ADGRB3: variants seen among roughly 807,000 people sequenced by gnomAD.
The protein encoded by ADGRB3 is adhesion G protein-coupled receptor B3, also known as brain-specific angiogenesis inhibitor 3.
In ADGRB3, 37 loss-of-function variants were observed where a neutral mutation model predicts 193.4. The ratio of observed to expected loss-of-function variants is 0.19; its 90% CI spans 0.15 to 0.25. The LOEUF (loss-of-function observed/expected upper bound fraction) is 0.25. ADGRB3 is among the 10% of genes least tolerant of loss of function. ADGRB3 has a pLI of 1.00. For missense variants in ADGRB3, 1,637 were observed against 1,852.9 expected (o/e 0.88, Z 2.14); for synonymous variants, 690 against 644.2 (o/e 1.07, Z -1.08).
chr6:69,338,993 C>T lies in ADGRB3; in HGVS notation c.3266C>T (p.Ala1089Val), dbSNP rs1255578405. Reference protein sequence around the residue: ...CGVVSTTALSATTASNAMASL... With the variant: ...CGVVSTTALSVTTASNAMASL... ...GTAGTTTCAACAACAGCTTTGTCAGCCACCACCGCCAGTAACGCCATGTTA... is the reference window on the plus strand; with the variant it reads ...GTAGTTTCAACAACAGCTTTGTCAGTCACCACCGCCAGTAACGCCATGTTA... The change falls in exon 25 of 32, where the codon GCC becomes GTC. Residue 1089 changes from alanine (A) to valine (V), a missense_variant. Physicochemically the swap from Ala to Val is moderately conservative, Grantham distance 64. Coordinates refer to ENST00000370598, the MANE Select transcript of ADGRB3 (RefSeq NM_001704.3). The T allele has an allele frequency of 6.2e-7, 1 of 1,613,734 alleles. No individual in the cohort carries two copies. The highest frequency in any genetic ancestry group is 2.2e-5 in the East Asian group (1 of 44,852).
intron 24 of ADGRB3, among the ~76,000 whole-genome samples, chr6:69,335,692 T>A (rs978226872): frequency 6.6e-6 from 1 of 152,004 alleles, no homozygotes; most frequent in Non-Finnish European, 1.5e-5. Context: ...TAATCAAAAT[T>A]AACTAAAGAA....
intron 28 of ADGRB3, among the ~76,000 whole-genome samples, chr6:69,358,094 T>C (rs1447976289): frequency 6.6e-6 from 1 of 151,946 alleles, no homozygotes; most frequent in African/African-American, 2.4e-5. Context: ...GGTGTACTCA[T>C]TACAGTTCTC....
At chr6:68,840,408 T>TTTTTTTTGG (rs1768131436) in intron 3 of ADGRB3, among the ~76,000 whole-genome samples, 1 of 103,088 alleles carries the variant, frequency 9.7e-6, no homozygotes, top group Non-Finnish European at 2.0e-5. Flanking sequence ...TTTTTTTTTT[T>TTTTTTTTGG]GAGACAAGGT....
chr6:68,983,493 A>G (rs867516081), intron 10 of ADGRB3, among the ~76,000 whole-genome samples: 6 of 149,440 alleles, frequency 4.0e-5, no homozygotes, highest in South Asian at 2.1e-4. Context: ...ATTGTATAGT[A>G]TAATTGTAAT....
At position 69,332,826 on chromosome 6, in the gene ADGRB3, G is replaced by A. The variant is rs908515274; in HGVS notation, c.3103-97G>A. 11 of 1,523,314 alleles carry A rather than the reference G, an allele frequency of 7.2e-6. No homozygotes were observed. In the African/African-American group the frequency reaches 8.3e-5, roughly 12 times the overall value. The allele number at this position is 1,523,314 out of a possible 1,614,324, so 94.4% of individuals were successfully genotyped here. A position where few individuals can be genotyped will look rare whatever the true frequency, so the allele number is the denominator to read the frequency against. ...TGCTTCATACCACTACTAGTGATAC[G>A]GTGGTTATGAATTGATAAAAATAGG... On this transcript the variant is annotated intron_variant, in intron 23 of 31. Transcript: ENST00000370598.
At chr6:68,659,432 G>T (rs1325568131) in intron 3 of ADGRB3, among the ~76,000 whole-genome samples, 2 of 150,356 alleles carry the variant, frequency 1.3e-5, no homozygotes, top group African/African-American at 4.9e-5. Context: ...TACATAAGAT[G>T]ATTTAAAGTT....
At chr6:69,142,591 G>A (rs1181508868) in intron 17 of ADGRB3, among the ~76,000 whole-genome samples, 1 of 152,098 alleles carries the variant, frequency 6.6e-6, no homozygotes, top group Non-Finnish European at 1.5e-5. Flanking sequence ...CAAGCCTATC[G>A]CTGAGGATGA....
At chr6:69,098,388 G>T (rs2150320244) in intron 17 of ADGRB3, among the ~76,000 whole-genome samples, 1 of 152,186 alleles carries the variant, frequency 6.6e-6, no homozygotes, top group East Asian at 1.9e-4. Flanking sequence ...AGATGTTATG[G>T]GCTCCCAACT....
intron 3 of ADGRB3, among the ~76,000 whole-genome samples, chr6:68,841,138 C>T (rs976586195): frequency 2.8e-4 from 42 of 152,220 alleles, no homozygotes; most frequent in African/African-American, 9.9e-4. Flanking sequence ...ATACAGACCC[C>T]AATACAATAA....
intron 3 of ADGRB3, among the ~76,000 whole-genome samples, chr6:68,911,386 G>A (rs1263010290): frequency 6.6e-6 from 1 of 151,636 alleles, no homozygotes; most frequent in Non-Finnish European, 1.5e-5. Context: ...CCTGCACGTT[G>A]TGCACATGTA....
At chr6:68,967,021 T>G (rs548671475) in intron 8 of ADGRB3, among the ~76,000 whole-genome samples, 1 of 152,324 alleles carries the variant, frequency 6.6e-6, no homozygotes, top group East Asian at 1.9e-4. Flanking sequence ...TCACCTTTGA[T>G]AAAATAGTTA....
At chr6:69,111,775 A>C (rs1028353896) in intron 17 of ADGRB3, among the ~76,000 whole-genome samples, 1 of 152,254 alleles carries the variant, frequency 6.6e-6, no homozygotes, top group Admixed American at 6.5e-5. Context: ...AGACTTGTGA[A>C]ATGCAGAACA....
At chr6:68,793,219 A>G (rs1002395287) in intron 3 of ADGRB3, among the ~76,000 whole-genome samples, 3 of 152,156 alleles carry the variant, frequency 2.0e-5, no homozygotes, top group East Asian at 1.9e-4. Context: ...TTACGCTGGC[A>G]TATTAATTCC....
At chr6:68,951,201 T>G (rs528070646) in intron 6 of ADGRB3, among the ~76,000 whole-genome samples, 3 of 152,322 alleles carry the variant, frequency 2.0e-5, no homozygotes, top group African/African-American at 7.2e-5. Context: ...ATTAGTGAAT[T>G]TATTTTACAG....
intron 17 of ADGRB3, among the ~76,000 whole-genome samples, chr6:69,165,587 C>G (rs1449141540): frequency 1.3e-5 from 2 of 152,028 alleles, no homozygotes; most frequent in Non-Finnish European, 2.9e-5. Flanking sequence ...TCTGCCTCCT[C>G]CAGGAAGCCT....
chr6:69,040,688 A>AAAAAAAAAAAAG (rs1771032482), intron 13 of ADGRB3, among the ~76,000 whole-genome samples: 1 of 141,118 alleles, frequency 7.1e-6, no homozygotes, highest in Non-Finnish European at 1.5e-5. Flanking sequence ...AAAAAAAAAA[A>AAAAAAAAAAAAG]AAAAAAAAAA....
At chr6:68,832,620 CATT>C (rs1444857598) in intron 3 of ADGRB3, among the ~76,000 whole-genome samples, 2 of 152,116 alleles carry the variant, frequency 1.3e-5, no homozygotes, top group African/African-American at 4.8e-5. Flanking sequence ...TTCATTGCAT[CATT>C]GTTATTAGAT....
At chr6:69,039,735 T>A (rs1316390899) in intron 13 of ADGRB3, among the ~76,000 whole-genome samples, 2 of 131,522 alleles carry the variant, frequency 1.5e-5, no homozygotes, top group South Asian at 2.3e-4. Context: ...TACATAATTG[T>A]TTTTTTCTTT....
intron 3 of ADGRB3, among the ~76,000 whole-genome samples, chr6:68,837,959 A>G (rs959627082): frequency 2.6e-5 from 4 of 152,214 alleles, no homozygotes; most frequent in African/African-American, 9.7e-5. Flanking sequence ...AGGCATTCTG[A>G]TAGTTATGCC....
Sources: allele counts gnomAD v4.1 joint callset (sites outside exome capture counted in the v4.1 genomes callset), GRCh38; gene constraint gnomAD v4.1.1; transcripts MANE v1.5; gene names NCBI Gene and HGNC (gene_info 2026-07-23, HGNC 2026-07-21).